Variants in WWP2 observed in about 807,000 individuals in gnomAD.
WWP2 encodes NEDD4-like E3 ubiquitin-protein ligase WWP2.
WWP2 carries 57 observed loss-of-function variants against 121.0 expected under a neutral mutation model. The observed-to-expected ratio is 0.47, with a 90% CI of 0.38 to 0.59. The LOEUF is 0.59. Ranked by LOEUF, WWP2 falls within the 20% of genes least tolerant of loss-of-function variation. The pLI is 0.00. For missense variants in WWP2, 962 were observed against 1,158.9 expected, an observed-to-expected ratio of 0.83 and a Z score of 2.47; for synonymous variants, 449 against 441.3, an observed-to-expected ratio of 1.02 and a Z score of -0.22.
intron 6 of WWP2, among the ~76,000 whole-genome samples, chr16:69,856,279 A>G (rs6499264): frequency 0.077 from 11,767 of 152,182 alleles, 1,071 homozygotes; most frequent in African/African-American, 0.19. Flanking sequence ...CAGAAATCCA[A>G]TCTGAAGATG....
chr16:69,934,045 T>C lies in WWP2; in HGVS notation c.1758T>C (p.Asn586=), dbSNP rs143865442. The change falls in exon 17 of 24, where the codon AAT becomes AAC. Residue 586 remains asparagine, a synonymous_variant. Coordinates refer to ENST00000359154, the MANE Select transcript of WWP2 (RefSeq NM_001270454.2). ...YCLFEYAGKN[N]YCLQINPASS... ...TATTTGAATATGCCGGAAAGAACAA[T>C]TACTGCCTGCAGATCAACCCCGCCT... 152 of 1,614,124 alleles carry C rather than the reference T, an allele frequency of 9.4e-5. No homozygotes were observed. In the African/African-American group the frequency reaches 2.0e-3, roughly 21 times the overall value.
chr16:69,939,993 C>A lies in WWP2; in HGVS notation c.*53C>A. On this transcript the variant is annotated 3_prime_UTR_variant, in exon 24 of 24. Transcript: ENST00000359154. Reference sequence around the variant, plus strand: ...GCGCACATGTAGTCCTGAGTCCTCCCTGCCTGAGAGGCCACTGGCCCCGCA... The same window carrying A: ...GCGCACATGTAGTCCTGAGTCCTCCATGCCTGAGAGGCCACTGGCCCCGCA... 6.7e-7 allele frequency: 1 copy of A among 1,500,058 alleles called. No individual in the cohort carries two copies. Among genetic ancestry groups the A allele is most frequent in the East Asian group, 2.3e-5 (1 of 43,130 alleles). The allele number at this position is 1,500,058 out of a possible 1,614,324, so 92.9% of individuals were successfully genotyped here.
intron 18 of WWP2, 150 bp downstream of exon 18, chr16:69,936,136 T>C (rs2058794589): frequency 1.4e-6 from 2 of 1,429,426 alleles, no homozygotes; most frequent in Non-Finnish European, 1.9e-6. Context: ...GAATGTCCTC[T>C]GGGTTCCCTG....
At chr16:69,931,657 T>C in intron 15 of WWP2, 77 bp downstream of exon 15, 1 of 1,597,900 alleles carries the variant, frequency 6.3e-7, no homozygotes, top group Non-Finnish European at 8.6e-7. Context: ...GCGTGGCCTG[T>C]TAAACCCACA....
rs1220901087 is a variant in WWP2 at position 69,925,927 on chromosome 16, G to C, written c.1234+443G>C. The C allele has an allele frequency of 6.3e-6, 1 of 158,142 alleles. No homozygotes were observed. 9.8% of individuals were successfully genotyped at this position (158,142 alleles called of 1,614,324 possible). ...CTTTCTTTGCAGCTGAGATGTTGGA[G>C]GACTTTGGTCTAATTTTGACTAATA... On this transcript the variant is annotated intron_variant, in intron 11 of 23. Transcript: ENST00000359154. This position sits in a 1 kb window ranked among gnomAD's most constrained non-coding sequence, Gnocchi z 4.0.
At chr16:69,775,514 T>G (rs190733159) in intron 1 of WWP2, among the ~76,000 whole-genome samples, 1 of 152,218 alleles carries the variant, frequency 6.6e-6, no homozygotes, top group African/African-American at 2.4e-5. Flanking sequence ...TTGACTCTTA[T>G]AGTTGCTATA....
intron 4 of WWP2, among the ~76,000 whole-genome samples, chr16:69,801,198 G>T (rs12923438): frequency 2.1e-5 from 3 of 141,516 alleles, no homozygotes; most frequent in South Asian, 2.3e-4. Flanking sequence ...AAAAAAAAAA[G>T]CAATTTTACT....
Position 69,888,129 on chromosome 16 carries a change from C to T in WWP2, c.794C>T (p.Pro265Leu), listed in dbSNP as rs78426175. The T allele has an allele frequency of 4.2e-4, 677 of 1,614,178 alleles. 8 individuals are homozygous for T. In the African/African-American group the frequency reaches 7.7e-3, roughly 18 times the overall value. Residue 265 changes from proline (P) to leucine (L), a missense_variant, in exon 8 of 24, where the codon CCG becomes CTG. Pro to Leu is a moderately conservative substitution (Grantham distance 98). Transcript: ENST00000359154. ...CCTGCTGCACCCTTGAGTGTGACCC[C>T]GAATCCCAACACGACTTCTCTCCCT... ...SPPAAPLSVTPNPNTTSLPAP... is the reference protein window; with the variant it reads ...SPPAAPLSVTLNPNTTSLPAP...
chr16:69,939,441 C>T (rs201675073), intron 23 of WWP2, 28 bp downstream of exon 23: 259 of 1,613,006 alleles, frequency 1.6e-4, no homozygotes, highest in Non-Finnish European at 2.0e-4. Flanking sequence ...AGTGGGAGGT[C>T]GGGGGGCCTC....
chr16:69,852,459 A>C (rs1051381243), intron 6 of WWP2, among the ~76,000 whole-genome samples: 8 of 152,108 alleles, frequency 5.3e-5, no homozygotes, highest in African/African-American at 1.9e-4. Context: ...TTTTAAGTAG[A>C]AACTGGGTTT....
At chr16:69,861,616 G>A (rs2057422283) in intron 6 of WWP2, among the ~76,000 whole-genome samples, 2 of 151,104 alleles carry the variant, frequency 1.3e-5, no homozygotes, top group South Asian at 4.2e-4. Flanking sequence ...TGCCTTTCCC[G>A]GTTCACTTCT....
At chr16:69,770,394 C>CTGGGTT (rs1318664432) in intron 1 of WWP2, among the ~76,000 whole-genome samples, 4 of 152,110 alleles carry the variant, frequency 2.6e-5, no homozygotes, top group Non-Finnish European at 5.9e-5. Context: ...CCCTGAAGGA[C>CTGGGTT]TGGGTTTGGG....
chr16:69,862,184 G>C (rs1304316886), intron 6 of WWP2, among the ~76,000 whole-genome samples: 1 of 152,124 alleles, frequency 6.6e-6, no homozygotes, highest in Non-Finnish European at 1.5e-5. Flanking sequence ...TCTTGCCTCA[G>C]CCTCCTGAGT....
chr16:69,868,289 A>G (rs560959179), intron 6 of WWP2, among the ~76,000 whole-genome samples: 1 of 152,126 alleles, frequency 6.6e-6, no homozygotes, highest in African/African-American at 2.4e-5. Context: ...CCCATCATTC[A>G]GGGTAAGCCG....
intron 5 of WWP2, among the ~76,000 whole-genome samples, chr16:69,840,727 C>T (rs544559320): frequency 3.9e-5 from 6 of 152,102 alleles, no homozygotes; most frequent in African/African-American, 1.4e-4. Context: ...TTGCTCTGTC[C>T]CGAATGTTGG....
At chr16:69,909,643 T>C in intron 9 of WWP2, 1 of 985,468 alleles carries the variant, frequency 1.0e-6, no homozygotes, top group Non-Finnish European at 1.2e-6. Context: ...GTACTCACTG[T>C]GTTTTCCACT....
chr16:69,779,943 A>C (rs576815836), intron 1 of WWP2, among the ~76,000 whole-genome samples: 1 of 152,124 alleles, frequency 6.6e-6, no homozygotes, highest in Non-Finnish European at 1.5e-5. Context: ...TGAAGATAAC[A>C]AACAGTCATA....
At chr16:69,863,005 G>A (rs886310132) in intron 6 of WWP2, among the ~76,000 whole-genome samples, 14 of 152,118 alleles carry the variant, frequency 9.2e-5, no homozygotes, top group African/African-American at 3.1e-4. Flanking sequence ...GGGATTACAG[G>A]TGTGAGCCGC....
intron 16 of WWP2, 142 bp from the exon 17 acceptor site, chr16:69,933,828 C>T (rs1472263319): frequency 3.3e-6 from 3 of 908,318 alleles, no homozygotes; most frequent in African/African-American, 1.7e-5. Context: ...TAGGTTAGCC[C>T]GGGTGCTTGT....
Sources: allele counts gnomAD v4.1 joint callset (sites outside exome capture counted in the v4.1 genomes callset), GRCh38; gene constraint gnomAD v4.1.1; non-coding constraint Gnocchi (gnomAD v3.1); transcripts MANE v1.5; gene names NCBI Gene and HGNC (gene_info 2026-07-23, HGNC 2026-07-21).